SMYD3: variants seen among roughly 807,000 people sequenced by gnomAD.
SMYD3 encodes SET and MYND domain containing 3.
A neutral mutation model predicts 57.7 loss-of-function variants in SMYD3; 36 were observed. That is an observed-to-expected ratio of 0.62 (90% confidence interval 0.48 to 0.82). The LOEUF is 0.82. SMYD3 is among the 40% of genes least tolerant of loss of function. The pLI is 0.00. For synonymous variants in SMYD3, 211 were observed against 195.0 expected (o/e 1.08, Z -0.68); for missense variants, 515 against 538.8 (o/e 0.96, Z 0.44).
intron 10 of SMYD3, among the ~76,000 whole-genome samples, chr1:245,804,026 C>A (rs1393957710): frequency 2.6e-5 from 4 of 151,340 alleles, no homozygotes; most frequent in African/African-American, 9.7e-5. Flanking sequence ...GATTCTCCTG[C>A]CTCAGACTTC....
chr1:245,962,436 C>T (rs998213353), intron 5 of SMYD3, among the ~76,000 whole-genome samples: 5 of 152,184 alleles, frequency 3.3e-5, no homozygotes, highest in Non-Finnish European at 5.9e-5. Flanking sequence ...TTGAGATGAT[C>T]GCTAAACTCT....
chr1:246,487,397 T>C (rs895891386), intron 1 of SMYD3, among the ~76,000 whole-genome samples: 5 of 151,578 alleles, frequency 3.3e-5, no homozygotes, highest in Admixed American at 6.6e-5. Context: ...GAGGTGGAGG[T>C]TGCAGTGAGC....
intron 5 of SMYD3, among the ~76,000 whole-genome samples, chr1:246,268,591 C>T (rs1201098274): frequency 6.6e-6 from 1 of 152,042 alleles, no homozygotes; most frequent in East Asian, 1.9e-4. Context: ...GTAGTCCCAG[C>T]TACCCGGGAG....
At chr1:245,856,796 C>G (rs980991742) in intron 10 of SMYD3, among the ~76,000 whole-genome samples, 3 of 152,110 alleles carry the variant, frequency 2.0e-5, no homozygotes, top group Non-Finnish European at 4.4e-5. Flanking sequence ...CAGCGCTAGC[C>G]AAGAGTGAGG....
intron 5 of SMYD3, among the ~76,000 whole-genome samples, chr1:246,143,774 G>A (rs952954546): frequency 6.6e-6 from 1 of 152,192 alleles, no homozygotes; most frequent in African/African-American, 2.4e-5. Flanking sequence ...TGGGATCCCA[G>A]CCTCTATGCT....
rs1273773271 is a variant in SMYD3 at position 246,115,283 on chromosome 1, C to T, written c.532-185346G>A. Among the ~76,000 whole-genome samples, 4 of 152,144 alleles carry T rather than the reference C, an allele frequency of 2.6e-5. No homozygotes were observed. The East Asian group carries it at 5.8e-4, about 22-fold the overall frequency. Reference sequence around the variant, plus strand: ...AGTAGCAGGTGCTCAAATAAGACCACGAATACTGCCTGCTCCCATCAACCA... The same window carrying T: ...AGTAGCAGGTGCTCAAATAAGACCATGAATACTGCCTGCTCCCATCAACCA... On this transcript the variant is annotated intron_variant, in intron 5 of 11. Coordinates refer to ENST00000490107, the MANE Select transcript of SMYD3 (RefSeq NM_001167740.2).
At chr1:246,475,624 C>T (rs1484102457) in intron 1 of SMYD3, among the ~76,000 whole-genome samples, 3 of 151,960 alleles carry the variant, frequency 2.0e-5, no homozygotes, top group South Asian at 2.1e-4. Context: ...CCAGCCTGAG[C>T]GACAGAGCAA....
intron 5 of SMYD3, among the ~76,000 whole-genome samples, chr1:245,973,059 G>A (rs1005780661): frequency 5.9e-5 from 9 of 152,190 alleles, no homozygotes; most frequent in African/African-American, 2.2e-4. Context: ...ATGCAAAGCA[G>A]TTCCCTTCTT....
At chr1:246,427,611 C>T (rs1252790978) in intron 1 of SMYD3, among the ~76,000 whole-genome samples, 5 of 152,204 alleles carry the variant, frequency 3.3e-5, no homozygotes, top group Admixed American at 6.5e-5. Context: ...TGCCTGTATT[C>T]GCAACACTTT....
At chr1:245,799,571 T>C (rs2047753668) in intron 10 of SMYD3, among the ~76,000 whole-genome samples, 1 of 140,548 alleles carries the variant, frequency 7.1e-6, no homozygotes, top group African/African-American at 2.7e-5. Flanking sequence ...AATGTGTGAG[T>C]TTATGCAAAC....
At chr1:246,001,403 G>A (rs958822060) in intron 5 of SMYD3, among the ~76,000 whole-genome samples, 1 of 152,130 alleles carries the variant, frequency 6.6e-6, no homozygotes, top group African/African-American at 2.4e-5. Flanking sequence ...CTTATAGGGT[G>A]CAGATGTTTT....
chr1:246,383,526 C>A (rs1027896546), intron 1 of SMYD3, among the ~76,000 whole-genome samples: 3 of 152,166 alleles, frequency 2.0e-5, no homozygotes, highest in African/African-American at 7.2e-5. Flanking sequence ...AAAGCCATAT[C>A]TGAAATGGAA....
chr1:245,961,822 A>G (rs2058017202), intron 5 of SMYD3, among the ~76,000 whole-genome samples: 1 of 152,142 alleles, frequency 6.6e-6, no homozygotes, highest in Non-Finnish European at 1.5e-5. Flanking sequence ...GGCTCCATGA[A>G]AGCCGGGATT....
intron 1 of SMYD3, among the ~76,000 whole-genome samples, chr1:246,366,196 T>G (rs188654332): frequency 4.9e-4 from 74 of 152,344 alleles, no homozygotes; most frequent in East Asian, 1.7e-3. Flanking sequence ...CACAGAAGTT[T>G]GGTAAACTAA....
intron 4 of SMYD3, among the ~76,000 whole-genome samples, chr1:246,329,326 A>G (rs1240886759): frequency 1.3e-5 from 2 of 152,068 alleles, no homozygotes; most frequent in African/African-American, 4.8e-5. Flanking sequence ...AAGTGTTCCT[A>G]TTTCTCCACA....
intron 5 of SMYD3, among the ~76,000 whole-genome samples, chr1:246,227,525 G>A (rs1434824603): frequency 3.3e-5 from 5 of 152,146 alleles, no homozygotes; most frequent in African/African-American, 1.2e-4. Flanking sequence ...TGAGGCAGGA[G>A]AATCACTTGA....
rs755402235 is a variant in SMYD3, at chr1:246,189,598, T to C, written c.531+137603A>G. On this transcript the variant is annotated intron_variant, in intron 5 of 11. Transcript: ENST00000490107. ...GAGAGGCTAAAGAAGTGATTTTTAA[T>C]GGATATACTCTGGGAGAAATTCTCA... 4.5e-4 allele frequency among the ~76,000 whole-genome samples: 68 copies of C among 152,192 alleles called. 2 individuals are homozygous for C. Among genetic ancestry groups the C allele is most frequent in the Non-Finnish European group, 4.4e-4 (30 of 68,022 alleles).
chr1:246,482,895 A>C, intron 1 of SMYD3, among the ~76,000 whole-genome samples: 1 of 152,062 alleles, frequency 6.6e-6, no homozygotes, highest in East Asian at 1.9e-4. Context: ...AGACAAGGGC[A>C]GACCAAGGAG....
intron 1 of SMYD3, among the ~76,000 whole-genome samples, chr1:246,428,464 A>G (rs926793518): frequency 6.6e-6 from 1 of 152,236 alleles, no homozygotes; most frequent in African/African-American, 2.4e-5. Flanking sequence ...AACAGCAAAT[A>G]CTATCTGTCA....
Sources: gnomAD v4.1 joint callset for allele counts (sites outside exome capture counted in the v4.1 genomes callset) on GRCh38, gnomAD v4.1.1 for gene constraint, MANE v1.5 for transcripts, NCBI Gene and HGNC (gene_info 2026-07-23, HGNC 2026-07-21) for gene names.